DIP2C: variants seen among roughly 807,000 people sequenced by gnomAD.
The protein encoded by DIP2C is DIP2 acetate--CoA ligase C (putative).
Under a neutral mutation model 192.4 loss-of-function variants are expected in DIP2C, and 33 were observed. The observed-to-expected ratio is 0.17, with a 90% CI of 0.13 to 0.23. The LOEUF (loss-of-function observed/expected upper bound fraction) is 0.23, where lower values mean the gene tolerates loss of function less well. Ranked by LOEUF, DIP2C falls within the 10% of genes least tolerant of loss-of-function variation. The probability of loss-of-function intolerance (pLI) is 1.00; values close to 1 mark genes in which losing one functional copy is unlikely to be tolerated. For synonymous variants in DIP2C, 979 were observed against 864.1 expected, an observed-to-expected ratio of 1.13 and a Z score of -2.33; for missense variants, 1,537 against 2,110.1, an observed-to-expected ratio of 0.73 and a Z score of 5.32.
At chr10:385,761 G>A (rs768804353) in intron 14 of DIP2C, among the ~76,000 whole-genome samples, 4 of 152,124 alleles carry the variant, frequency 2.6e-5, no homozygotes, top group African/African-American at 4.8e-5. Flanking sequence ...GCTGTGTGGC[G>A]GGCTAGGATT....
At chr10:619,017 G>A (rs919098792) in intron 1 of DIP2C, among the ~76,000 whole-genome samples, 4 of 152,300 alleles carry the variant, frequency 2.6e-5, no homozygotes, top group Admixed American at 1.3e-4. Context: ...TCTGACTGTG[G>A]CCTGCTTCCC....
chr10:641,786 T>G (rs1447723747), intron 1 of DIP2C: 3 of 153,994 alleles, frequency 1.9e-5, no homozygotes, highest in Admixed American at 6.5e-5. Context: ...CAGAAGCATT[T>G]TGGGGGGCTG....
intron 3 of DIP2C, 85 bp from the exon 4 acceptor site, chr10:441,081 A>T: frequency 6.8e-7 from 1 of 1,460,270 alleles, no homozygotes. Flanking sequence ...CCTGCAGCAC[A>T]GTTCATCCAC....
At chr10:475,240 G>A (rs932789212) in intron 2 of DIP2C, among the ~76,000 whole-genome samples, 4 of 152,192 alleles carry the variant, frequency 2.6e-5, no homozygotes, top group South Asian at 2.1e-4. Context: ...AGCACCCATG[G>A]CTGTCCGCCG....
chr10:553,208 T>C (rs1022018888), intron 1 of DIP2C, among the ~76,000 whole-genome samples: 1 of 152,186 alleles, frequency 6.6e-6, no homozygotes, highest in Non-Finnish European at 1.5e-5. Context: ...CTCTTCTCCC[T>C]CGTCCCTGCA....
chr10:339,808 C>T (rs1453449634), intron 29 of DIP2C, among the ~76,000 whole-genome samples: 1 of 152,064 alleles, frequency 6.6e-6, no homozygotes, highest in Non-Finnish European at 1.5e-5. Context: ...ATTAGAATAT[C>T]GGTATTTTTC....
chr10:616,914 G>A (rs1483485195), intron 1 of DIP2C, among the ~76,000 whole-genome samples: 2 of 152,336 alleles, frequency 1.3e-5, no homozygotes, highest in South Asian at 2.1e-4. Flanking sequence ...ACAGGACAAG[G>A]ATGGGGAGGT....
At chr10:524,610 A>C (rs1485794378) in intron 1 of DIP2C, among the ~76,000 whole-genome samples, 1 of 152,208 alleles carries the variant, frequency 6.6e-6, no homozygotes, top group Non-Finnish European at 1.5e-5. Context: ...ATACAAAGAC[A>C]TAACATCTTA....
intron 1 of DIP2C, among the ~76,000 whole-genome samples, chr10:502,800 A>C (rs1387983480): frequency 1.3e-5 from 2 of 152,150 alleles, no homozygotes; most frequent in Admixed American, 6.5e-5. Flanking sequence ...GAAAACCACA[A>C]AACACTGAAG....
rs551601781 is a variant in DIP2C, at chr10:428,557, C to T, written c.395-5524G>A. 4.6e-5 allele frequency among the ~76,000 whole-genome samples: 7 copies of T among 152,218 alleles called. No homozygotes were observed. The East Asian group carries it at 5.8e-4, about 13-fold the overall frequency. Reference sequence around the variant, plus strand: ...CTGGAGTGTAACGTGTCTTTTTCTTCGGAGTCCTTTCAGGATCTCCTCTTA... The same window carrying T: ...CTGGAGTGTAACGTGTCTTTTTCTTTGGAGTCCTTTCAGGATCTCCTCTTA... On this transcript the variant is annotated intron_variant, in intron 4 of 36. Transcript: ENST00000280886.
At chr10:408,244 T>TATCC (rs1295114904) in intron 9 of DIP2C, among the ~76,000 whole-genome samples, 1 of 152,214 alleles carries the variant, frequency 6.6e-6, no homozygotes, top group Admixed American at 6.5e-5. Context: ...GGAAATCACT[T>TATCC]ATCCATATAC....
chr10:582,816 G>A (rs1850750869), intron 1 of DIP2C, among the ~76,000 whole-genome samples: 1 of 152,148 alleles, frequency 6.6e-6, no homozygotes, highest in East Asian at 1.9e-4. Context: ...ATGACACAAA[G>A]GGGCTATGAC....
chr10:482,297 C>T (rs937797007), intron 2 of DIP2C, among the ~76,000 whole-genome samples: 1 of 152,172 alleles, frequency 6.6e-6, no homozygotes, highest in South Asian at 2.1e-4. Context: ...TGCAAGCCTG[C>T]AGGCCAGAGG....
chr10:592,064 T>C (rs188989354), intron 1 of DIP2C, among the ~76,000 whole-genome samples: 13 of 152,350 alleles, frequency 8.5e-5, no homozygotes, highest in East Asian at 3.9e-4. Flanking sequence ...TTCATAGCCA[T>C]GTGTTCTGGG....
intron 9 of DIP2C, among the ~76,000 whole-genome samples, chr10:399,528 C>T (rs1964248212): frequency 1.3e-5 from 2 of 152,158 alleles, no homozygotes; most frequent in African/African-American, 2.4e-5. Flanking sequence ...TCTCACTAAG[C>T]TTTGTAAATA....
chr10:416,970 A>T (rs926007860), intron 6 of DIP2C, among the ~76,000 whole-genome samples: 5 of 152,178 alleles, frequency 3.3e-5, no homozygotes, highest in African/African-American at 1.2e-4. Flanking sequence ...ATTCAAGGAA[A>T]TTTTTTCTAT....
intron 10 of DIP2C, among the ~76,000 whole-genome samples, chr10:395,627 G>A (rs992968141): frequency 6.6e-6 from 1 of 151,950 alleles, no homozygotes; most frequent in Non-Finnish European, 1.5e-5. Flanking sequence ...ACAGCTTTCT[G>A]CAAAGCCTGA....
chr10:383,302 G>A (rs1454254026), intron 16 of DIP2C, among the ~76,000 whole-genome samples: 1 of 152,198 alleles, frequency 6.6e-6, no homozygotes, highest in East Asian at 1.9e-4. Context: ...GTCTGCTTTT[G>A]TATATCAGGC....
At chr10:564,663 C>T (rs1241512412) in intron 1 of DIP2C, among the ~76,000 whole-genome samples, 1 of 152,256 alleles carries the variant, frequency 6.6e-6, no homozygotes, top group South Asian at 2.1e-4. Context: ...AAGTTCCCTC[C>T]TTAGCGGATT....
Sources: gnomAD v4.1 joint callset for allele counts (sites outside exome capture counted in the v4.1 genomes callset) on GRCh38, gnomAD v4.1.1 for gene constraint, MANE v1.5 for transcripts, NCBI Gene and HGNC (gene_info 2026-07-23, HGNC 2026-07-21) for gene names.